GFRA2: variants seen among roughly 807,000 people sequenced by gnomAD.
GFRA2 encodes GDNF family receptor alpha 2.
GFRA2 carries 17 observed loss-of-function variants against 48.3 expected under a neutral mutation model. The ratio of observed to expected loss-of-function variants is 0.35; its 90% CI spans 0.24 to 0.53. The LOEUF (loss-of-function observed/expected upper bound fraction) is 0.53, where lower values mean the gene tolerates loss of function less well. Ranked by LOEUF, GFRA2 falls within the 20% of genes least tolerant of loss-of-function variation. The pLI is 0.93. For synonymous variants in GFRA2, 305 were observed against 257.2 expected (o/e 1.19, Z -1.78); for missense variants, 660 against 637.3 (o/e 1.04, Z -0.38).
intron 4 of GFRA2, among the ~76,000 whole-genome samples, chr8:21,746,046 C>A (rs546233585): frequency 6.6e-6 from 1 of 152,320 alleles, no homozygotes; most frequent in Admixed American, 6.5e-5. Flanking sequence ...GGGGTCCCTA[C>A]AGATGACTTG....
intron 4 of GFRA2, among the ~76,000 whole-genome samples, chr8:21,732,729 G>A (rs897807359): frequency 2.0e-5 from 3 of 152,212 alleles, no homozygotes; most frequent in Non-Finnish European, 4.4e-5. Context: ...GGAACTTGAA[G>A]GAATTCAAAA....
rs889868710 is a variant in GFRA2, at chr8:21,691,593, T to A, written c.*1685A>T. Reference sequence around the variant, plus strand: ...ATAAGCCAGGAGTCCCAGAGGGACATACCACTTTGCTCTATGTAAGACTAA... The same window carrying A: ...ATAAGCCAGGAGTCCCAGAGGGACAAACCACTTTGCTCTATGTAAGACTAA... On this transcript the variant is annotated 3_prime_UTR_variant, in exon 9 of 9. Coordinates refer to ENST00000524240, the MANE Select transcript of GFRA2 (RefSeq NM_001495.5). The A allele has an allele frequency of 6.6e-6, 1 of 152,234 alleles. No homozygotes were observed. The highest frequency in any genetic ancestry group is 1.5e-5 in the Non-Finnish European group (1 of 68,074). 9.4% of individuals were successfully genotyped at this position (152,234 alleles called of 1,614,324 possible). A position where few individuals can be genotyped will look rare whatever the true frequency, so the allele number is the denominator to read the frequency against.
rs1290767296 is a variant in GFRA2, at chr8:21,693,376, T to C, written c.1297A>G (p.Ser433Gly). The change falls in exon 9 of 9, where the codon AGT (serine) becomes GGT (glycine). Residue 433 changes from serine to glycine, a missense_variant. By Grantham distance (56) the Ser-to-Gly change is moderately conservative (BLOSUM62 0). Transcript: ENST00000524240. ...TELTTNIIPG[S>G]NKVIKPNSGP... is the part of the protein sequence containing the mutation. ...GAGTTAGGTTTGATCACCTTGTTAC[T>C]CCCTGGGATGATATTTGTCGTGAGC... The C allele has an allele frequency of 3.1e-6, 5 of 1,612,066 alleles. No individual in the cohort carries two copies. The African/African-American group carries it at 6.7e-5, about 22-fold the overall frequency.
At chr8:21,696,592 C>A (rs1051150515) in intron 7 of GFRA2, among the ~76,000 whole-genome samples, 1 of 152,152 alleles carries the variant, frequency 6.6e-6, no homozygotes, top group African/African-American at 2.4e-5. Flanking sequence ...GCTGGCAAAG[C>A]AACCAGCACA....
At chr8:21,706,316 A>G (rs757145771) in intron 4 of GFRA2, 52 of 579,924 alleles carry the variant, frequency 9.0e-5, no homozygotes, top group Non-Finnish European at 1.6e-4. Flanking sequence ...CAAGGCACAG[A>G]AACAGCCTGC....
chr8:21,702,808 G>A lies in GFRA2; in HGVS notation c.1215C>T (p.Val405=), dbSNP rs1265246994. The A allele has an allele frequency of 1.9e-6, 3 of 1,603,708 alleles. No homozygotes were observed. The highest frequency in any genetic ancestry group is 2.6e-6 in the Non-Finnish European group (3 of 1,175,120). The change falls in exon 7 of 9, where the codon GTC becomes GTT. Residue 405 remains valine (V), a synonymous_variant. Coordinates refer to ENST00000524240, the MANE Select transcript of GFRA2 (RefSeq NM_001495.5). ...GTSVITTCTS[V]QEQGLKANNS... Reference sequence around the variant, plus strand: ...CGCCTCAGCCACACACCCTCACCTGGACAGACGTGCAGGTGGTGATGACAC... The same window carrying A: ...CGCCTCAGCCACACACCCTCACCTGAACAGACGTGCAGGTGGTGATGACAC...
chr8:21,696,956 G>C (rs1221583678), intron 7 of GFRA2, among the ~76,000 whole-genome samples: 10 of 133,608 alleles, frequency 7.5e-5, no homozygotes, highest in Middle Eastern at 4.0e-3. Flanking sequence ...GGAGGGGACA[G>C]AGGAAAGGGG....
At chr8:21,718,030 C>A (rs1416699466) in intron 4 of GFRA2, among the ~76,000 whole-genome samples, 5 of 152,138 alleles carry the variant, frequency 3.3e-5, no homozygotes, top group South Asian at 2.1e-4. Context: ...TTAAAGGAGG[C>A]CTTAGTTTCC....
At chr8:21,803,865 A>G (rs1807812746) in intron 2 of GFRA2, among the ~76,000 whole-genome samples, 1 of 152,064 alleles carries the variant, frequency 6.6e-6, no homozygotes, top group Admixed American at 6.5e-5. Context: ...ACTCCCAGCG[A>G]CCCAAAGCAC....
At chr8:21,700,261 G>T (rs1172756555) in intron 7 of GFRA2, among the ~76,000 whole-genome samples, 1 of 152,220 alleles carries the variant, frequency 6.6e-6, no homozygotes, top group African/African-American at 2.4e-5. Context: ...TAATATACCA[G>T]AAGGCCCCAG....
chr8:21,743,301 C>A lies in GFRA2; in HGVS notation c.794+7287G>T, dbSNP rs200903254. ...TGGGGCTGGATGTGGCTATTGGACT[C>A]TGGGCACTGCTCAAGGCCAGATGGG... is the stretch of plus-strand genomic sequence containing the variant. On this transcript the variant is annotated intron_variant, in intron 4 of 8. Transcript: ENST00000524240. Among the ~76,000 whole-genome samples the A allele has an allele frequency of 3.1e-4, 47 of 152,262 alleles. No individual in the cohort carries two copies. In the East Asian group the frequency reaches 7.3e-3, roughly 24 times the overall value.
chr8:21,808,470 G>C (rs1293276146), intron 1 of GFRA2, among the ~76,000 whole-genome samples: 2 of 152,236 alleles, frequency 1.3e-5, no homozygotes, highest in East Asian at 3.8e-4. Context: ...AAAGGAATTA[G>C]TCAACTTTCC....
chr8:21,795,840 A>C (rs1004759203), intron 2 of GFRA2, among the ~76,000 whole-genome samples: 3 of 152,168 alleles, frequency 2.0e-5, no homozygotes, highest in African/African-American at 4.8e-5. Context: ...GCATCCACCT[A>C]CTACAGGCCT....
chr8:21,722,081 A>C (rs1299729296), intron 4 of GFRA2, among the ~76,000 whole-genome samples: 1 of 152,230 alleles, frequency 6.6e-6, no homozygotes, highest in East Asian at 1.9e-4. Context: ...ATTTTTCCTG[A>C]ACTAACAAAG....
intron 3 of GFRA2, among the ~76,000 whole-genome samples, chr8:21,765,791 TCTC>T (rs36144451): frequency 0.49 from 73,833 of 151,640 alleles, 20,782 homozygotes; most frequent in Non-Finnish European, 0.63. Context: ...CCTCTCATCT[TCTC>T]CTTCCTAGTA....
intron 2 of GFRA2, among the ~76,000 whole-genome samples, chr8:21,803,454 C>G (rs1807806501): frequency 2.0e-5 from 3 of 152,032 alleles, no homozygotes; most frequent in African/African-American, 7.2e-5. Flanking sequence ...ATCAGAGAGT[C>G]CTTTAGGGAA....
At chr8:21,746,804 A>C (rs1424819766) in intron 4 of GFRA2, among the ~76,000 whole-genome samples, 2 of 151,968 alleles carry the variant, frequency 1.3e-5, no homozygotes, top group African/African-American at 4.8e-5. Context: ...AGCAAAAAAA[A>C]AAAAGAGAAG....
intron 3 of GFRA2, among the ~76,000 whole-genome samples, chr8:21,761,949 C>CTAAAAAAAT (rs933407614): frequency 6.6e-6 from 1 of 151,688 alleles, no homozygotes; most frequent in African/African-American, 2.4e-5. Context: ...GAGACTCTGT[C>CTAAAAAAAT]TAAAAAAATT....
chr8:21,811,813 T>C (rs765667737), intron 1 of GFRA2, among the ~76,000 whole-genome samples: 2 of 151,742 alleles, frequency 1.3e-5, no homozygotes, highest in Non-Finnish European at 2.9e-5. Context: ...AAACAACACT[T>C]CTGGACTCAC....
Sources: allele counts gnomAD v4.1 joint callset (sites outside exome capture counted in the v4.1 genomes callset), GRCh38; gene constraint gnomAD v4.1.1; transcripts MANE v1.5; gene names NCBI Gene and HGNC (gene_info 2026-07-23, HGNC 2026-07-21).